The following DMD variants were observed in gnomAD, a reference collection of about 807,000 sequenced individuals.
DMD encodes the protein mutant dystrophin.
A neutral mutation model predicts 330.1 loss-of-function variants in DMD; 63 were observed. The ratio of observed to expected loss-of-function variants is 0.19; its 90% confidence interval spans 0.16 to 0.24. The LOEUF (loss-of-function observed/expected upper bound fraction) is 0.24, where lower values mean the gene tolerates loss of function less well. Ranked by LOEUF, DMD falls within the 10% of genes least tolerant of loss-of-function variation. The pLI, the probability that DMD is intolerant of heterozygous loss-of-function variation, is 1.00. For missense variants in DMD, 3,344 were observed against 2,684.1 expected (o/e 1.25, Z -5.43); for synonymous variants, 1,223 against 959.8 (o/e 1.27, Z -5.07).
At chrX:32,592,771 A>T (rs1029080829) in intron 13 of DMD, among the ~76,000 whole-genome samples, 1 of 112,157 alleles carries the variant, frequency 8.9e-6, no homozygotes, top group Non-Finnish European at 1.9e-5. Flanking sequence ...GGGGCTCCTC[A>T]AGCCAGGGTT....
intron 52 of DMD, among the ~76,000 whole-genome samples, chrX:31,716,776 A>G (rs995185922): frequency 4.9e-4 from 53 of 108,756 alleles, no homozygotes; most frequent in Non-Finnish European, 7.8e-4. Flanking sequence ...TATAAAATTG[A>G]CATATAAGCA....
At chrX:32,744,428 T>C (rs1442051442) in intron 7 of DMD, among the ~76,000 whole-genome samples, 1 of 111,254 alleles carries the variant, frequency 9.0e-6, no homozygotes. Flanking sequence ...TATTCTCTCA[T>C]GGTTTCAACT....
chrX:33,019,174 C>G (rs912273948), intron 2 of DMD, among the ~76,000 whole-genome samples: 1 of 111,061 alleles, frequency 9.0e-6, no homozygotes, highest in South Asian at 3.8e-4. Context: ...AAAATCAGAC[C>G]CATAGAGGGA....
intron 1 of DMD, among the ~76,000 whole-genome samples, chrX:33,306,395 A>G (rs67370903): frequency 0.055 from 6,191 of 111,944 alleles, 431 homozygotes; most frequent in African/African-American, 0.19. Context: ...ACAGAAATAT[A>G]CATGATTTAA....
At position 32,468,632 on chromosome X, in the gene DMD, C is replaced by G. The variant is rs766325631; in HGVS notation, c.3028G>C (p.Ala1010Pro). ...TATTTCCGGCTAATTTCAGAGGGCG[C>G]TTTCTTCGACATCTCTTTCACAGTG... ...STTVKEMSKK[A>P]PSEISRKYQS... The change falls in exon 23 of 79, where the codon GCG becomes CCG. Residue 1010 changes from alanine to proline, a missense_variant. Physicochemically the swap from Ala to Pro is conservative, Grantham distance 27. Coordinates refer to ENST00000357033, the MANE Select transcript of DMD (RefSeq NM_004006.3). 1.2e-5 allele frequency: 14 copies of G among 1,211,165 alleles called. No individual in the cohort carries two copies. The highest frequency in any genetic ancestry group is 6.7e-6 in the Non-Finnish European group (6 of 895,247).
intron 54 of DMD, among the ~76,000 whole-genome samples, chrX:31,654,362 C>T (rs2080647765): frequency 8.9e-6 from 1 of 111,813 alleles, no homozygotes; most frequent in South Asian, 3.7e-4. Context: ...ATGATGTAAT[C>T]AGAAAACTTT....
chrX:32,050,986 T>C (rs2096108839), intron 44 of DMD, among the ~76,000 whole-genome samples: 2 of 91,490 alleles, frequency 2.2e-5, no homozygotes, highest in Admixed American at 2.3e-4. Flanking sequence ...TTTTTTTTTT[T>C]TCCCCCTAAT....
intron 52 of DMD, among the ~76,000 whole-genome samples, chrX:31,679,917 C>T: frequency 8.9e-6 from 1 of 112,145 alleles, no homozygotes. Flanking sequence ...GCCACTTCAG[C>T]ACCCATCAGC....
intron 45 of DMD, among the ~76,000 whole-genome samples, chrX:31,951,870 A>C (rs1408269940): frequency 1.8e-5 from 2 of 111,171 alleles, no homozygotes; most frequent in Non-Finnish European, 3.8e-5. Flanking sequence ...GACTTTATTT[A>C]GTTTTTTCTT....
intron 19 of DMD, among the ~76,000 whole-genome samples, chrX:32,500,906 C>T (rs758078482): frequency 8.9e-6 from 1 of 111,836 alleles, no homozygotes; most frequent in African/African-American, 3.2e-5. Flanking sequence ...AAAATGCAGG[C>T]AGATTCTGAA....
chrX:32,517,001 TA>T (rs1445238959), intron 18 of DMD: 1 of 111,489 alleles, frequency 9.0e-6, no homozygotes, highest in Non-Finnish European at 1.9e-5. Context: ...TCAAGCAGCC[TA>T]AAAAATAGAT....
rs771555350 is a variant in DMD at position 32,503,304 on chromosome X, T to G, written c.2293-1462A>C. Among the ~76,000 whole-genome samples the G allele has an allele frequency of 3.6e-5, 4 of 111,983 alleles. No individual in the cohort carries two copies. In the East Asian group the frequency reaches 1.1e-3, roughly 32 times the overall value. The stretch of plus-strand genomic sequence containing the variant: ...CAGGAATCTGAGGCAGAAGGACTGC[T>G]TGAGCACAGTAGTCTGAGTAGGCTG... On this transcript the variant is annotated intron_variant, in intron 18 of 78. Transcript: ENST00000357033.
chrX:32,975,329 T>C (rs998373276), intron 2 of DMD, among the ~76,000 whole-genome samples: 1 of 106,491 alleles, frequency 9.4e-6, no homozygotes, highest in Admixed American at 1.0e-4. Context: ...ATTTTGCTTT[T>C]TAAACTTTAA....
chrX:31,864,485 C>CTTTTTT (rs201374257), intron 48 of DMD, among the ~76,000 whole-genome samples: 2 of 54,332 alleles, frequency 3.7e-5, no homozygotes, highest in African/African-American at 9.6e-5. Context: ...TTTTGAAGGC[C>CTTTTTT]TTTTTTTTTT....
intron 1 of DMD, among the ~76,000 whole-genome samples, chrX:33,271,076 C>T (rs1465799607): frequency 9.0e-6 from 1 of 111,361 alleles, no homozygotes; most frequent in Admixed American, 9.6e-5. Context: ...TTAAAATTAG[C>T]AATTACTATC....
chrX:32,572,916 G>A (rs760135345), intron 15 of DMD, among the ~76,000 whole-genome samples: 28 of 110,512 alleles, frequency 2.5e-4, no homozygotes, highest in African/African-American at 8.9e-4. Flanking sequence ...AAGAGTCTGG[G>A]ACCTTCCTCT....
intron 30 of DMD, among the ~76,000 whole-genome samples, chrX:32,407,674 G>A (rs902438929): frequency 5.3e-4 from 59 of 110,370 alleles, no homozygotes; most frequent in Non-Finnish European, 8.7e-4. Context: ...ACATGCACAC[G>A]TATGTTTATT....
At chrX:32,027,394 A>G (rs2095854625) in intron 44 of DMD, among the ~76,000 whole-genome samples, 1 of 111,628 alleles carries the variant, frequency 9.0e-6, no homozygotes, top group Admixed American at 9.5e-5. Flanking sequence ...GTAAAGAAGA[A>G]AGGAATTCTT....
intron 47 of DMD, among the ~76,000 whole-genome samples, chrX:31,878,000 T>C (rs2093995735): frequency 8.9e-6 from 1 of 111,779 alleles, no homozygotes; most frequent in Non-Finnish European, 1.9e-5. Flanking sequence ...CATGAAATTG[T>C]TCACGTTTCA....
Sources: gnomAD v4.1 joint callset for allele counts (sites outside exome capture counted in the v4.1 genomes callset) on GRCh38, gnomAD v4.1.1 for gene constraint, MANE v1.5 for transcripts, NCBI Gene and HGNC (gene_info 2026-07-23, HGNC 2026-07-21) for gene names.